TRIQK: variants seen among roughly 807,000 people sequenced by gnomAD.
TRIQK encodes triple QxxK/R motif-containing protein.
TRIQK carries 10 observed loss-of-function variants against 10.8 expected under a neutral mutation model. That is an observed-to-expected ratio of 0.92 (90% CI 0.57 to 1.57). The LOEUF is 1.57. TRIQK is among the 40% of genes most tolerant of loss of function. The pLI, the probability that TRIQK is intolerant of heterozygous loss-of-function variation, is 0.00. For synonymous variants in TRIQK, 33 were observed against 33.7 expected (o/e 0.98, Z 0.07); for missense variants, 107 against 97.7 (o/e 1.09, Z -0.40).
upstream of TRIQK, among the ~76,000 whole-genome samples, chr8:92,968,271 T>C (rs1260306473): frequency 6.6e-6 from 1 of 152,198 alleles, no homozygotes; most frequent in Non-Finnish European, 1.5e-5. Context: ...TACGTTGGCA[T>C]GTGTCTTTAT....
chr8:93,010,074 T>C (rs948117018), intron 1 of TRIQK, among the ~76,000 whole-genome samples: 8 of 152,068 alleles, frequency 5.3e-5, no homozygotes, highest in African/African-American at 1.9e-4. Flanking sequence ...AAGTTGATCT[T>C]GTGGAGAGTA....
chr8:92,991,307 G>C (rs1423852102), intron 1 of TRIQK, among the ~76,000 whole-genome samples: 1 of 152,174 alleles, frequency 6.6e-6, no homozygotes, highest in Non-Finnish European at 1.5e-5. Context: ...CCTGGGAGAG[G>C]GGGTGGCTGT....
At chr8:92,943,337 T>C (rs1029465396) in intron 2 of TRIQK, among the ~76,000 whole-genome samples, 4 of 152,136 alleles carry the variant, frequency 2.6e-5, no homozygotes, top group Admixed American at 6.6e-5. Context: ...AAAATTCATA[T>C]GGACCCAGAA....
At chr8:92,894,450 G>GA (rs147116686) in intron 3 of TRIQK, among the ~76,000 whole-genome samples, 14,477 of 147,688 alleles carry the variant, frequency 0.098, 956 homozygotes, top group African/African-American at 0.2. Context: ...ACACCTAAGG[G>GA]AAAAAAAAAA....
At chr8:93,006,251 A>C (rs1172120413) in intron 1 of TRIQK, among the ~76,000 whole-genome samples, 1 of 151,998 alleles carries the variant, frequency 6.6e-6, no homozygotes, top group East Asian at 1.9e-4. Context: ...TGATCCAGCA[A>C]CTCGGTATCC....
chr8:92,887,456 ATATAT>A (rs1375033553), intron 4 of TRIQK, among the ~76,000 whole-genome samples: 4 of 151,514 alleles, frequency 2.6e-5, no homozygotes, highest in African/African-American at 9.7e-5. Context: ...AAATTTACTC[ATATAT>A]TATGATAAAA....
At chr8:92,906,159 C>T (rs1809248285) in intron 3 of TRIQK, among the ~76,000 whole-genome samples, 1 of 152,016 alleles carries the variant, frequency 6.6e-6, no homozygotes, top group Admixed American at 6.6e-5. Context: ...GTTCAGTTTA[C>T]CTGGAAACAG....
chr8:93,002,497 T>C (rs1475074851), intron 1 of TRIQK, among the ~76,000 whole-genome samples: 2 of 152,068 alleles, frequency 1.3e-5, no homozygotes, highest in African/African-American at 4.8e-5. Flanking sequence ...ACAAAATAGA[T>C]AACCTCGCAA....
intron 2 of TRIQK, among the ~76,000 whole-genome samples, chr8:92,940,023 T>TA (rs1342675049): frequency 6.6e-6 from 1 of 152,060 alleles, no homozygotes; most frequent in Non-Finnish European, 1.5e-5. Context: ...CAGCTCCACC[T>TA]AATAGGAGAG....
chr8:93,000,384 C>T (rs1813197587), intron 1 of TRIQK, among the ~76,000 whole-genome samples: 1 of 152,160 alleles, frequency 6.6e-6, no homozygotes. Flanking sequence ...ATCAAAGGCA[C>T]ATCTTACATG....
intron 1 of TRIQK, among the ~76,000 whole-genome samples, chr8:93,007,713 C>T (rs764937063): frequency 7.2e-5 from 11 of 152,134 alleles, no homozygotes; most frequent in Admixed American, 3.3e-4. Flanking sequence ...AAACACAGCA[C>T]GAGAACTTCA....
intron 1 of TRIQK, among the ~76,000 whole-genome samples, chr8:92,977,708 A>C (rs1021985840): frequency 6.6e-6 from 1 of 151,928 alleles, no homozygotes; most frequent in Non-Finnish European, 1.5e-5. Flanking sequence ...ACACCTGGGC[A>C]TTTTTTTATT....
intron 2 of TRIQK, among the ~76,000 whole-genome samples, chr8:92,935,317 C>T (rs1411369661): frequency 1.3e-5 from 2 of 151,736 alleles, no homozygotes; most frequent in African/African-American, 4.8e-5. Flanking sequence ...TATTAAAACA[C>T]TTCAACAGCA....
chr8:92,885,500 G>A lies in TRIQK; in HGVS notation c.*1122C>T, dbSNP rs1197252546. The A allele has an allele frequency of 1.3e-5, 2 of 153,290 alleles. No individual in the cohort carries two copies. Among genetic ancestry groups the A allele is most frequent in the East Asian group, 3.9e-4 (2 of 5,180 alleles). 9.5% of individuals were successfully genotyped at this position (153,290 alleles called of 1,614,324 possible). On this transcript the variant is annotated 3_prime_UTR_variant, in exon 5 of 5. Transcript: ENST00000521988. Reference sequence around the variant, plus strand: ...GACACGTATTTTCCAGTTTTCTAAGGTTTATGTGTTCAAGCATTGTAAAAA... The same window carrying A: ...GACACGTATTTTCCAGTTTTCTAAGATTTATGTGTTCAAGCATTGTAAAAA...
intron 1 of TRIQK, among the ~76,000 whole-genome samples, chr8:93,016,873 A>G (rs891490513): frequency 1.3e-5 from 2 of 152,206 alleles, no homozygotes; most frequent in African/African-American, 4.8e-5. Context: ...AAGTGCTAGC[A>G]CAGAAGGGAT....
intron 2 of TRIQK, among the ~76,000 whole-genome samples, chr8:92,940,774 A>G (rs1811229140): frequency 6.6e-6 from 1 of 152,186 alleles, no homozygotes; most frequent in Non-Finnish European, 1.5e-5. Context: ...CTAGGCCAAA[A>G]GAACCTAACA....
At chr8:92,963,158 C>G (rs1812545306) in intron 1 of TRIQK, among the ~76,000 whole-genome samples, 1 of 152,112 alleles carries the variant, frequency 6.6e-6, no homozygotes, top group African/African-American at 2.4e-5. Context: ...GAGTCAAGTA[C>G]CAAACAGTTC....
At chr8:92,948,971 T>C (rs1811691255) in intron 2 of TRIQK, among the ~76,000 whole-genome samples, 1 of 152,202 alleles carries the variant, frequency 6.6e-6, no homozygotes, top group Non-Finnish European at 1.5e-5. Flanking sequence ...CACTGAGTTT[T>C]GGCCAAAGGT....
upstream of TRIQK, among the ~76,000 whole-genome samples, chr8:92,966,538 A>G (rs1812758900): frequency 6.6e-6 from 1 of 152,190 alleles, no homozygotes; most frequent in Non-Finnish European, 1.5e-5. Flanking sequence ...ATTAACATTA[A>G]CCAGAGATTA....
Sources: allele counts gnomAD v4.1 joint callset (sites outside exome capture counted in the v4.1 genomes callset), GRCh38; gene constraint gnomAD v4.1.1; transcripts MANE v1.5; gene names NCBI Gene and HGNC (gene_info 2026-07-23, HGNC 2026-07-21).